The following ROBO2 variants were observed in gnomAD, a reference collection of about 807,000 sequenced individuals.
ROBO2 encodes roundabout guidance receptor 2.
Under a neutral mutation model 160.8 loss-of-function variants are expected in ROBO2, and 53 were observed. The observed-to-expected ratio is 0.33, with a 90% confidence interval of 0.26 to 0.41. The LOEUF is 0.41. Ranked by LOEUF, ROBO2 falls within the 10% of genes least tolerant of loss-of-function variation. ROBO2 has a pLI of 1.00. For missense variants in ROBO2, 1,577 were observed against 1,722.4 expected (o/e 0.92, Z 1.49); for synonymous variants, 664 against 611.7 (o/e 1.09, Z -1.26).
intron 2 of ROBO2, among the ~76,000 whole-genome samples, chr3:77,396,840 T>C (rs776923420): frequency 6.6e-6 from 1 of 152,102 alleles, no homozygotes; most frequent in Non-Finnish European, 1.5e-5. Flanking sequence ...ATGTGGGCAA[T>C]TTATTCCGTG....
chr3:77,378,906 A>G (rs537902060), intron 2 of ROBO2, among the ~76,000 whole-genome samples: 1 of 151,308 alleles, frequency 6.6e-6, no homozygotes, highest in East Asian at 1.9e-4. Context: ...ATGCGTAACA[A>G]GTCAAGATTA....
chr3:76,994,945 CT>C (rs558816382), intron 2 of ROBO2, among the ~76,000 whole-genome samples: 91 of 149,870 alleles, frequency 6.1e-4, no homozygotes, highest in African/African-American at 9.5e-4. Context: ...CATAGATTTA[CT>C]TTTTTTTTTC....
intron 2 of ROBO2, among the ~76,000 whole-genome samples, chr3:76,033,439 G>T (rs948344125): frequency 6.6e-6 from 1 of 152,038 alleles, no homozygotes; most frequent in African/African-American, 2.4e-5. Context: ...GTGCATATAG[G>T]GCCTGCTACT....
intron 2 of ROBO2, among the ~76,000 whole-genome samples, chr3:77,283,270 A>T (rs940767955): frequency 6.6e-6 from 1 of 152,202 alleles, no homozygotes; most frequent in African/African-American, 2.4e-5. Context: ...GCCAAGCGTG[A>T]AGGAGCAAAA....
At chr3:75,911,574 T>C (rs1429019458) in intron 1 of ROBO2, among the ~76,000 whole-genome samples, 3 of 143,380 alleles carry the variant, frequency 2.1e-5, no homozygotes, top group African/African-American at 7.9e-5. Flanking sequence ...TTTTTTTTTT[T>C]TGAGACGGAG....
intron 2 of ROBO2, among the ~76,000 whole-genome samples, chr3:76,221,224 A>G (rs1703943926): frequency 6.6e-6 from 1 of 152,098 alleles, no homozygotes; most frequent in Non-Finnish European, 1.5e-5. Context: ...ATGGGAAGCA[A>G]AAATTTTGCT....
chr3:77,140,676 T>C (rs114125617), intron 2 of ROBO2, among the ~76,000 whole-genome samples: 6 of 152,092 alleles, frequency 3.9e-5, no homozygotes, highest in Non-Finnish European at 7.4e-5. Context: ...CCTTCAATAC[T>C]CCCAACACTT....
At chr3:77,411,587 A>T (rs918724616) in intron 2 of ROBO2, among the ~76,000 whole-genome samples, 1 of 152,208 alleles carries the variant, frequency 6.6e-6, no homozygotes, top group Admixed American at 6.5e-5. Flanking sequence ...AAAGTTACCA[A>T]CACACTTTAT....
intron 2 of ROBO2, among the ~76,000 whole-genome samples, chr3:76,647,074 G>T (rs568582381): frequency 6.6e-6 from 1 of 152,302 alleles, no homozygotes; most frequent in Non-Finnish European, 1.5e-5. Flanking sequence ...AGGGCCCTAT[G>T]ACGCAGAGAA....
chr3:76,503,414 G>A, intron 2 of ROBO2, among the ~76,000 whole-genome samples: 1 of 152,048 alleles, frequency 6.6e-6, no homozygotes, highest in East Asian at 1.9e-4. Flanking sequence ...GATAAACTCA[G>A]TATTAGCATC....
chr3:76,654,300 A>G (rs1165950260), intron 2 of ROBO2, among the ~76,000 whole-genome samples: 1 of 152,138 alleles, frequency 6.6e-6, no homozygotes, highest in Non-Finnish European at 1.5e-5. Context: ...AAAAGTTATT[A>G]TTTTCTTGGC....
intron 2 of ROBO2, chr3:77,317,510 C>T (rs1052130342): frequency 9.0e-6 from 13 of 1,451,088 alleles, no homozygotes; most frequent in Non-Finnish European, 1.2e-5. Flanking sequence ...CCTCAGATTT[C>T]GTTTTCAAAT....
intron 2 of ROBO2, among the ~76,000 whole-genome samples, chr3:77,413,292 T>C (rs2076951889): frequency 6.6e-6 from 1 of 151,964 alleles, no homozygotes; most frequent in African/African-American, 2.4e-5. Context: ...GAAAATGTTC[T>C]AGAAAGAGGA....
rs540331749 is a variant in ROBO2 at position 75,937,534 on chromosome 3, C to G, written c.41C>G (p.Thr14Arg). 4.9e-5 allele frequency: 78 copies of G among 1,578,602 alleles called. No homozygotes were observed. The African/African-American group carries it at 7.5e-4, about 15-fold the overall frequency. Residue 14 changes from threonine to arginine, a missense_variant, in exon 2 of 27, where the codon ACA becomes AGA. By Grantham distance (71) the Thr-to-Arg change is moderately conservative (BLOSUM62 -1). Coordinates refer to the ROBO2 transcript ENST00000487694. ...GAACGTGTCACTAGAAGGATGTGGA[C>G]ATGGGCTCCGGGACTGTTGATGATG... is the stretch of plus-strand genomic sequence containing the variant.
At chr3:77,602,681 C>A (rs1476388570) in intron 20 of ROBO2, among the ~76,000 whole-genome samples, 190 bp downstream of exon 21, 1 of 149,224 alleles carries the variant, frequency 6.7e-6, no homozygotes, top group Non-Finnish European at 1.5e-5. Flanking sequence ...CCACCACCAC[C>A]ACCACCACCG....
chr3:77,071,423 A>G (rs2067399699), intron 1 of ROBO2, among the ~76,000 whole-genome samples: 1 of 152,230 alleles, frequency 6.6e-6, no homozygotes, highest in Non-Finnish European at 1.5e-5. Context: ...CTACTTGTAA[A>G]GTTAGCTAAG....
intron 2 of ROBO2, among the ~76,000 whole-genome samples, chr3:76,519,169 T>A (rs1286329963): frequency 6.6e-6 from 1 of 152,158 alleles, no homozygotes; most frequent in Non-Finnish European, 1.5e-5. Context: ...TTATTACATA[T>A]CCAGTGATGT....
intron 2 of ROBO2, among the ~76,000 whole-genome samples, chr3:77,320,384 C>T (rs1425251874): frequency 1.3e-5 from 2 of 152,074 alleles, no homozygotes; most frequent in East Asian, 3.9e-4. Flanking sequence ...TGGGGAATGA[C>T]AGTGATTGTG....
At chr3:77,043,925 T>C (rs149019063) in intron 1 of ROBO2, among the ~76,000 whole-genome samples, 1 of 152,290 alleles carries the variant, frequency 6.6e-6, no homozygotes, top group East Asian at 1.9e-4. Flanking sequence ...AGTGCAGATG[T>C]AGAATCTCAT....
Sources: gnomAD v4.1 joint callset for allele counts (sites outside exome capture counted in the v4.1 genomes callset) on GRCh38, gnomAD v4.1.1 for gene constraint, MANE v1.5 for transcripts, NCBI Gene and HGNC (gene_info 2026-07-23, HGNC 2026-07-21) for gene names.